Variants in CNBD1 observed in about 807,000 individuals in gnomAD.
CNBD1 encodes the protein cyclic nucleotide binding domain containing 1.
Under a neutral mutation model 54.4 loss-of-function variants are expected in CNBD1, and 71 were observed. That is an observed-to-expected ratio of 1.30 (90% confidence interval 1.08 to 1.59). CNBD1 has a LOEUF of 1.59. Among genes scored for constraint, CNBD1 ranks in the 40% most tolerant of loss-of-function variants. The pLI, the probability that CNBD1 is intolerant of heterozygous loss-of-function variation, is 0.00. For missense variants in CNBD1, 659 were observed against 518.0 expected, an observed-to-expected ratio of 1.27 and a Z score of -2.64; for synonymous variants, 182 against 170.7, an observed-to-expected ratio of 1.07 and a Z score of -0.51.
chr8:87,202,175 A>G (rs1474059958), intron 4 of CNBD1, among the ~76,000 whole-genome samples: 1 of 143,282 alleles, frequency 7.0e-6, no homozygotes. Context: ...AAAAGCAACG[A>G]TTATTTTCAT....
intron 1 of CNBD1, among the ~76,000 whole-genome samples, chr8:86,883,706 A>G (rs56658616): frequency 0.023 from 3,524 of 152,288 alleles, 140 homozygotes; most frequent in African/African-American, 0.079. Flanking sequence ...TGATGATCTT[A>G]ATGAAAAAAA....
intron 10 of CNBD1, among the ~76,000 whole-genome samples, chr8:87,361,064 G>A (rs1404878715): frequency 1.3e-5 from 2 of 151,778 alleles, no homozygotes; most frequent in Non-Finnish European, 2.9e-5. Flanking sequence ...TTAAGCTCTT[G>A]AACAGTTTGC....
At chr8:86,914,895 G>A (rs569851439) in intron 3 of CNBD1, among the ~76,000 whole-genome samples, 35 of 152,320 alleles carry the variant, frequency 2.3e-4, no homozygotes, top group African/African-American at 8.4e-4. Context: ...AATGGCACAT[G>A]TCTAGCATAG....
chr8:87,275,610 A>C (rs1585976392), intron 6 of CNBD1, among the ~76,000 whole-genome samples: 1 of 151,690 alleles, frequency 6.6e-6, no homozygotes, highest in East Asian at 1.9e-4. Flanking sequence ...ACCCACAGCC[A>C]ATATCATACT....
intron 4 of CNBD1, among the ~76,000 whole-genome samples, chr8:86,983,340 G>T (rs1017624637): frequency 3.9e-5 from 6 of 152,138 alleles, no homozygotes; most frequent in Non-Finnish European, 8.8e-5. Flanking sequence ...TCTTTCTTTT[G>T]TAAATTGCCC....
chr8:87,324,734 TG>T (rs1351223700), intron 8 of CNBD1, among the ~76,000 whole-genome samples: 2 of 150,712 alleles, frequency 1.3e-5, no homozygotes, highest in African/African-American at 2.5e-5. Context: ...TCAATTTTGT[TG>T]ATCCTTTCAA....
chr8:87,142,998 C>G (rs1047006871), intron 4 of CNBD1, among the ~76,000 whole-genome samples: 4 of 152,082 alleles, frequency 2.6e-5, no homozygotes, highest in Non-Finnish European at 5.9e-5. Context: ...ATCTTAGGAT[C>G]TGATTCTAAA....
At chr8:87,146,501 G>T (rs1248570536) in intron 4 of CNBD1, among the ~76,000 whole-genome samples, 1 of 152,026 alleles carries the variant, frequency 6.6e-6, no homozygotes, top group Admixed American at 6.6e-5. Flanking sequence ...AATTCATTGA[G>T]CCCTATGGCT....
chr8:86,986,008 G>A (rs1007239295), intron 4 of CNBD1, among the ~76,000 whole-genome samples: 21 of 151,958 alleles, frequency 1.4e-4, no homozygotes, highest in East Asian at 1.9e-4. Flanking sequence ...TCGGCTCACC[G>A]CAACCTCTAC....
chr8:86,911,955 A>G (rs189520158), intron 3 of CNBD1, among the ~76,000 whole-genome samples: 10 of 152,270 alleles, frequency 6.6e-5, no homozygotes, highest in Admixed American at 5.2e-4. Flanking sequence ...AATGCTGATG[A>G]AAAAAATTAA....
chr8:87,284,294 T>C (rs928344095), intron 6 of CNBD1, among the ~76,000 whole-genome samples: 3 of 151,288 alleles, frequency 2.0e-5, no homozygotes, highest in Non-Finnish European at 4.4e-5. Flanking sequence ...ATTTTATTCA[T>C]TTTTGTTATT....
chr8:87,297,458 A>G (rs1159653986), intron 8 of CNBD1, among the ~76,000 whole-genome samples: 2 of 152,192 alleles, frequency 1.3e-5, no homozygotes, highest in Non-Finnish European at 2.9e-5. Context: ...ACTGTAAAAC[A>G]GAAAAAGAGG....
chr8:86,907,307 G>A (rs1035447339), intron 3 of CNBD1, among the ~76,000 whole-genome samples: 1 of 152,164 alleles, frequency 6.6e-6, no homozygotes, highest in African/African-American at 2.4e-5. Context: ...CCTGAAGAGT[G>A]GGGAATATTG....
At position 86,983,887 on chromosome 8, in the gene CNBD1, T is replaced by C. The variant is rs185454009; in HGVS notation, c.431+44133T>C. Among the ~76,000 whole-genome samples, 532 of 152,304 alleles carry C rather than the reference T, an allele frequency of 3.5e-3. 2 individuals carry two copies. Among genetic ancestry groups the C allele is most frequent in the African/African-American group, 0.012 (514 of 41,558 alleles). ...TTTGATAGAAAAGAAAATCCCATTT[T>C]CTGAGGAGAAATTCAAGCCAATTGC... On this transcript the variant is annotated intron_variant, in intron 4 of 10. Coordinates refer to ENST00000518476, the MANE Select transcript of CNBD1 (RefSeq NM_173538.3).
chr8:87,271,388 T>A (rs1365221898), intron 6 of CNBD1, among the ~76,000 whole-genome samples: 1 of 151,994 alleles, frequency 6.6e-6, no homozygotes, highest in Non-Finnish European at 1.5e-5. Flanking sequence ...TTTACTTCTA[T>A]GAACTTATCT....
intron 9 of CNBD1, among the ~76,000 whole-genome samples, chr8:87,352,150 C>T (rs1430014582): frequency 2.6e-5 from 4 of 152,080 alleles, no homozygotes; most frequent in African/African-American, 9.7e-5. Context: ...GATAGTTTCT[C>T]CAGAGAAGTG....
intron 3 of CNBD1, among the ~76,000 whole-genome samples, chr8:86,917,717 C>G (rs1212547791): frequency 3.3e-5 from 5 of 152,160 alleles, no homozygotes; most frequent in African/African-American, 1.2e-4. Context: ...GCTGGCCACT[C>G]TGCAACAGGA....
intron 10 of CNBD1, among the ~76,000 whole-genome samples, chr8:87,354,244 A>G (rs1810373024): frequency 1.3e-5 from 2 of 149,380 alleles, no homozygotes; most frequent in African/African-American, 4.9e-5. Context: ...TAATAGCAAT[A>G]ATAATATTAG....
intron 8 of CNBD1, among the ~76,000 whole-genome samples, chr8:87,311,135 A>G (rs1408171173): frequency 6.6e-6 from 1 of 152,172 alleles, no homozygotes; most frequent in Non-Finnish European, 1.5e-5. Flanking sequence ...TCTGCACAAC[A>G]AAAGAAACTA....
Sources: allele counts gnomAD v4.1 joint callset (sites outside exome capture counted in the v4.1 genomes callset), GRCh38; gene constraint gnomAD v4.1.1; transcripts MANE v1.5; gene names NCBI Gene and HGNC (gene_info 2026-07-23, HGNC 2026-07-21).